The following PCDHGB4 variants were observed in gnomAD, a reference collection of about 807,000 sequenced individuals.
PCDHGB4 encodes protocadherin gamma-B4.
Under a neutral mutation model 60.5 loss-of-function variants are expected in PCDHGB4, and 38 were observed. The observed-to-expected ratio is 0.63, with a 90% CI of 0.48 to 0.82. The LOEUF (loss-of-function observed/expected upper bound fraction) is 0.82. Among genes scored for constraint, PCDHGB4 ranks in the 40% least tolerant of loss-of-function variants. PCDHGB4 has a pLI of 0.00. For synonymous variants in PCDHGB4, 456 were observed against 509.7 expected, an observed-to-expected ratio of 0.89 and a Z score of 1.42; for missense variants, 1,109 against 1,209.6, an observed-to-expected ratio of 0.92 and a Z score of 1.23.
At chr5:141,409,840 G>A (rs1361942011) in intron 1 of PCDHGB4, 3 of 1,611,558 alleles carry the variant, frequency 1.9e-6, no homozygotes, top group African/African-American at 1.3e-5. Flanking sequence ...GCGCCAACGT[G>A]AGCCTGCGCG....
intron 1 of PCDHGB4, among the ~76,000 whole-genome samples, chr5:141,481,148 C>G (rs2099532606): frequency 6.6e-6 from 1 of 152,176 alleles, no homozygotes; most frequent in Non-Finnish European, 1.5e-5. Context: ...AAGTGTTATT[C>G]TGGTATTTGC....
At chr5:141,461,740 G>A (rs770518286) in intron 1 of PCDHGB4, among the ~76,000 whole-genome samples, 4 of 152,072 alleles carry the variant, frequency 2.6e-5, no homozygotes, top group Non-Finnish European at 2.9e-5. Context: ...GCACAATCCC[G>A]GCTCCCAGAT....
At chr5:141,463,847 G>T (rs922334975) in intron 1 of PCDHGB4, among the ~76,000 whole-genome samples, 9 of 152,158 alleles carry the variant, frequency 5.9e-5, no homozygotes, top group African/African-American at 2.2e-4. Context: ...TGTTATAGTG[G>T]TATATCTGGT....
At chr5:141,478,074 A>G in intron 1 of PCDHGB4, 1 of 1,614,090 alleles carries the variant, frequency 6.2e-7, no homozygotes, top group Non-Finnish European at 8.5e-7. Context: ...GACAATGGGG[A>G]GCCTTCGCTC....
At position 141,388,985 on chromosome 5, in the gene PCDHGB4, C is replaced by T; in HGVS notation, c.1101C>T (p.Leu367=). Residue 367 remains leucine (L), a synonymous_variant, in exon 1 of 4, where the codon CTC becomes CTT. Transcript: ENST00000519479. The part of the protein sequence containing the change: ...DAELGTHIAL[L]KVRDKDSRHN... ...AGCTGGGAACACATATTGCTTTGCT[C>T]AAAGTCCGTGACAAGGATTCCAGAC... The T allele has an allele frequency of 6.2e-7, 1 of 1,613,958 alleles. No homozygotes were observed. Among genetic ancestry groups the T allele is most frequent in the South Asian group, 1.1e-5 (1 of 91,060 alleles).
intron 1 of PCDHGB4, chr5:141,478,675 G>A (rs1264846161): frequency 6.4e-7 from 1 of 1,551,574 alleles, no homozygotes; most frequent in South Asian, 1.2e-5. Context: ...ACTTTCAACT[G>A]GCCCTTCCTA....
At chr5:141,445,148 C>A (rs1051995635) in intron 1 of PCDHGB4, among the ~76,000 whole-genome samples, 3 of 152,092 alleles carry the variant, frequency 2.0e-5, no homozygotes, top group Non-Finnish European at 4.4e-5. Context: ...TCTAATTGTT[C>A]ATTTCTAGTT....
In PCDHGB4 at chr5:141,489,412, G is replaced by C; in HGVS notation, c.2398-5395G>C. On this transcript the variant is annotated intron_variant, in intron 1 of 3. Coordinates refer to ENST00000519479, the MANE Select transcript of PCDHGB4 (RefSeq NM_003736.4). The surrounding 1 kb of genome is among the most constrained non-coding windows in gnomAD (Gnocchi z 4.5). ...TCAGGATCTGGGCTTAAAGATGACAGATCTGTTGAGCCGGCGGCTGCAATT... is the reference window on the plus strand; with the variant it reads ...TCAGGATCTGGGCTTAAAGATGACACATCTGTTGAGCCGGCGGCTGCAATT... The C allele has an allele frequency of 6.2e-7, 1 of 1,614,172 alleles. No individual in the cohort carries two copies. Among genetic ancestry groups the C allele is most frequent in the Non-Finnish European group, 8.5e-7 (1 of 1,180,040 alleles).
intron 2 of PCDHGB4, among the ~76,000 whole-genome samples, chr5:141,497,603 G>A (rs1045138662): frequency 3.3e-5 from 5 of 149,832 alleles, no homozygotes; most frequent in Non-Finnish European, 7.4e-5. Context: ...GCAGTGGTGC[G>A]ATCTTGGCTC....
At position 141,393,231 on chromosome 5, in the gene PCDHGB4, G is replaced by A. The variant is rs1309107381; in HGVS notation, c.2397+2950G>A. On this transcript the variant is annotated intron_variant, in intron 1 of 3. Transcript: ENST00000519479. Reference sequence around the variant, plus strand: ...AAAATTCCAGGTCGAAGATCTAGAAGTAAAAATTAACGAAATCGCGGTTCC... The same window carrying A: ...AAAATTCCAGGTCGAAGATCTAGAAATAAAAATTAACGAAATCGCGGTTCC... 2.5e-6 allele frequency: 4 copies of A among 1,613,738 alleles called. 1 individual carries two copies. In the South Asian group the frequency reaches 4.4e-5, roughly 18 times the overall value.
At chr5:141,392,694 CCT>C in intron 1 of PCDHGB4, 4 of 1,186,390 alleles carry the variant, frequency 3.4e-6, no homozygotes, top group Non-Finnish European at 4.6e-6. Flanking sequence ...AAACCCGACC[CCT>C]GTTTGGAGGC....
intron 1 of PCDHGB4, among the ~76,000 whole-genome samples, chr5:141,472,969 A>G: frequency 6.8e-6 from 1 of 147,990 alleles, no homozygotes; most frequent in Non-Finnish European, 1.5e-5. Flanking sequence ...CTGGGGAACA[A>G]GAGTGAAACT....
intron 1 of PCDHGB4, chr5:141,423,750 TGGGGGG>T: frequency 3.5e-6 from 1 of 287,482 alleles, no homozygotes; most frequent in Non-Finnish European, 4.5e-6. Flanking sequence ...GAAAACTGTT[TGGGGGG>T]GGGGTGGGGC....
chr5:141,480,660 C>T (rs535356928), intron 1 of PCDHGB4, among the ~76,000 whole-genome samples: 2 of 152,170 alleles, frequency 1.3e-5, no homozygotes, highest in Non-Finnish European at 2.9e-5. Flanking sequence ...ACATTAAAAT[C>T]ACCTAGAGAC....
chr5:141,393,578 G>A (rs748225192), intron 1 of PCDHGB4: 2 of 1,613,812 alleles, frequency 1.2e-6, no homozygotes, highest in South Asian at 1.1e-5. Context: ...TTGAGAACAT[G>A]CCCCCAGGCA....
Position 141,485,785 on chromosome 5 carries a change from G to C in PCDHGB4, c.2398-9022G>C. ...TGGAGAAGCCTTTGGATCGAGAGAAGCAATCGGACTACCGCCTGGTGCTGA... is the reference window on the plus strand; with the variant it reads ...TGGAGAAGCCTTTGGATCGAGAGAACCAATCGGACTACCGCCTGGTGCTGA... On this transcript the variant is annotated intron_variant, in intron 1 of 3. Coordinates refer to ENST00000519479, the MANE Select transcript of PCDHGB4 (RefSeq NM_003736.4). The surrounding 1 kb of genome is among the most constrained non-coding windows in gnomAD (Gnocchi z 5.7). The C allele has an allele frequency of 1.2e-6, 2 of 1,614,214 alleles. No individual in the cohort carries two copies. The highest frequency in any genetic ancestry group is 1.7e-6 in the Non-Finnish European group (2 of 1,180,030).
chr5:141,445,825 G>A (rs1031190864), intron 1 of PCDHGB4, among the ~76,000 whole-genome samples: 8 of 152,124 alleles, frequency 5.3e-5, no homozygotes, highest in Non-Finnish European at 1.2e-4. Context: ...AATAAGGCAG[G>A]GAGAGCCTTG....
rs374154790 is a variant in PCDHGB4, at chr5:141,490,709, C to A, written c.2398-4098C>A. The A allele has an allele frequency of 3.2e-5, 52 of 1,614,218 alleles. No homozygotes were observed. In the African/African-American group the frequency reaches 6.3e-4, roughly 19 times the overall value. On this transcript the variant is annotated intron_variant, in intron 1 of 3. Coordinates refer to ENST00000519479, the MANE Select transcript of PCDHGB4 (RefSeq NM_003736.4). The surrounding 1 kb of genome is among the most constrained non-coding windows in gnomAD (Gnocchi z 5.4). ...GACACTGGGGATAATGCCCGCCTCA[C>A]CTACTCCATTGTAGGAAATCAGGTT...
At chr5:141,396,891 A>G (rs1216083648) in intron 1 of PCDHGB4, among the ~76,000 whole-genome samples, 1 of 152,228 alleles carries the variant, frequency 6.6e-6, no homozygotes, top group Non-Finnish European at 1.5e-5. Flanking sequence ...AGAGGACAAC[A>G]TATTATTGGC....
Sources: gnomAD v4.1 joint callset for allele counts (sites outside exome capture counted in the v4.1 genomes callset) on GRCh38, gnomAD v4.1.1 for gene constraint, Gnocchi (gnomAD v3.1) non-coding constraint, MANE v1.5 for transcripts, NCBI Gene and HGNC (gene_info 2026-07-23, HGNC 2026-07-21) for gene names.